The following BDKRB2 variants were observed in gnomAD, a reference collection of about 807,000 sequenced individuals.
The protein encoded by BDKRB2 is B2 bradykinin receptor.
A neutral mutation model predicts 4.0 loss-of-function variants in BDKRB2; 6 were observed. The observed-to-expected ratio is 1.49, with a 90% CI of 0.81 to 2.93. The LOEUF is 2.93. Ranked by LOEUF, BDKRB2 falls within the 30% of genes most tolerant of loss-of-function variation. BDKRB2 has a pLI of 0.00. For missense variants in BDKRB2, 478 were observed against 520.1 expected, an observed-to-expected ratio of 0.92 and a Z score of 0.79; for synonymous variants, 225 against 215.3, an observed-to-expected ratio of 1.05 and a Z score of -0.40.
intron 1 of BDKRB2, among the ~76,000 whole-genome samples, chr14:96,220,831 G>T (rs1485712497): frequency 6.6e-6 from 1 of 151,934 alleles, no homozygotes; most frequent in Non-Finnish European, 1.5e-5. Flanking sequence ...TATATGAGAG[G>T]GATGCAACTG....
chr14:96,223,057 G>T, intron 1 of BDKRB2: 1 of 779,508 alleles, frequency 1.3e-6, no homozygotes, highest in Admixed American at 2.0e-5. Flanking sequence ...GCTGTTGGGA[G>T]TTGCTTGGAG....
chr14:96,213,818 T>C (rs1258991102), intron 1 of BDKRB2, among the ~76,000 whole-genome samples: 2 of 151,970 alleles, frequency 1.3e-5, no homozygotes, highest in African/African-American at 4.8e-5. Flanking sequence ...GCATTGTGTC[T>C]CCACTTGACA....
rs941973156 is a variant in BDKRB2, at chr14:96,239,791, T to C, written c.75-612T>C. 3.0e-6 allele frequency: 3 copies of C among 985,182 alleles called. No homozygotes were observed. In the African/African-American group the frequency reaches 5.2e-5, roughly 17 times the overall value. The allele number at this position is 985,182 out of a possible 1,614,324, so 61.0% of individuals were successfully genotyped here. On this transcript the variant is annotated intron_variant, in intron 2 of 2. Coordinates refer to ENST00000554311, the MANE Select transcript of BDKRB2 (RefSeq NM_001379692.1). The stretch of plus-strand genomic sequence containing the variant: ...AGGATGTGAACCCAGTAGGACTATC[T>C]GGCTGCAAAGTCCCCACCCTCCCTC...
At chr14:96,214,307 C>G (rs963764519) in intron 1 of BDKRB2, among the ~76,000 whole-genome samples, 1 of 152,156 alleles carries the variant, frequency 6.6e-6, no homozygotes, top group African/African-American at 2.4e-5. Context: ...CACCCAGGCC[C>G]ATCACTTGAC....
intron 1 of BDKRB2, among the ~76,000 whole-genome samples, chr14:96,227,994 G>C (rs1180288149): frequency 6.6e-6 from 1 of 152,170 alleles, no homozygotes; most frequent in African/African-American, 2.4e-5. Flanking sequence ...CCCTGCACAG[G>C]GCTTGTTCCC....
chr14:96,238,253 G>C (rs1267941341), intron 2 of BDKRB2: 5 of 443,104 alleles, frequency 1.1e-5, no homozygotes, highest in African/African-American at 8.5e-5. Flanking sequence ...GTGGCTGCTT[G>C]AGTATCCTCA....
In BDKRB2 at chr14:96,241,236, G is replaced by A. The variant is rs1885281513; in HGVS notation, c.908G>A (p.Ser303Asn). 1 of 1,612,590 alleles carries A rather than the reference G, an allele frequency of 6.2e-7. No individual in the cohort carries two copies. The highest frequency in any genetic ancestry group is 1.3e-5 in the African/African-American group (1 of 74,932). ...CTGCATCGCCTCGGCATCCTCTCCA[G>A]CTGCCAGGACGAGCGCATCATCGAT... ...DTLHRLGILS[S>N]CQDERIIDVI... is the part of the protein sequence containing the mutation. The change falls in exon 3 of 3, where the codon AGC (serine) becomes AAC (asparagine). Residue 303 changes from serine to asparagine, a missense_variant. By Grantham distance (46) the Ser-to-Asn change is conservative. Coordinates refer to ENST00000554311, the MANE Select transcript of BDKRB2 (RefSeq NM_001379692.1).
intron 1 of BDKRB2, among the ~76,000 whole-genome samples, chr14:96,214,142 C>G (rs933623696): frequency 2.6e-5 from 4 of 152,190 alleles, no homozygotes; most frequent in Non-Finnish European, 2.9e-5. Context: ...CCCTGCATGT[C>G]CCCTCACTCC....
At chr14:96,222,855 A>G (rs569262207) in intron 1 of BDKRB2, among the ~76,000 whole-genome samples, 3 of 152,252 alleles carry the variant, frequency 2.0e-5, no homozygotes, top group South Asian at 2.1e-4. Flanking sequence ...TATCTCATAT[A>G]TAACCAAAAT....
intron 1 of BDKRB2, among the ~76,000 whole-genome samples, chr14:96,231,456 T>A (rs919761751): frequency 2.2e-4 from 34 of 152,136 alleles, no homozygotes; most frequent in African/African-American, 8.2e-4. Flanking sequence ...GCAGCTCTGG[T>A]TGTTGAGGCT....
chr14:96,237,303 C>A, intron 2 of BDKRB2, 122 bp downstream of exon 2: 1 of 933,132 alleles, frequency 1.1e-6, no homozygotes. Context: ...TGATGTTAAG[C>A]CCAAAGACAA....
At position 96,217,826 on chromosome 14, in the gene BDKRB2, C is replaced by T. The variant is rs762972463; in HGVS notation, c.-40+12867C>T. On this transcript the variant is annotated intron_variant, in intron 1 of 2. Transcript: ENST00000554311. Reference sequence around the variant, plus strand: ...TGCTGGATGACCAAAAATCAGGCAGCGATCCCTAAGTCCCTTCTGAGCCCC... The same window carrying T: ...TGCTGGATGACCAAAAATCAGGCAGTGATCCCTAAGTCCCTTCTGAGCCCC... Among the ~76,000 whole-genome samples the T allele has an allele frequency of 3.4e-4, 51 of 151,250 alleles. 1 individual carries two copies. The highest frequency in any genetic ancestry group is 5.7e-4 in the Non-Finnish European group (39 of 68,018).
intron 1 of BDKRB2, among the ~76,000 whole-genome samples, chr14:96,236,857 C>T (rs934654902): frequency 6.6e-6 from 1 of 152,204 alleles, no homozygotes; most frequent in Non-Finnish European, 1.5e-5. Context: ...GGTCAGTTTG[C>T]AGTTATTAAG....
chr14:96,226,891 A>G (rs921196352), intron 1 of BDKRB2, among the ~76,000 whole-genome samples: 3 of 152,290 alleles, frequency 2.0e-5, no homozygotes, highest in Non-Finnish European at 4.4e-5. Flanking sequence ...AGATGGAGGG[A>G]GGAATATGTC....
chr14:96,229,500 A>C (rs1220003193), intron 1 of BDKRB2, among the ~76,000 whole-genome samples: 2 of 152,136 alleles, frequency 1.3e-5, no homozygotes, highest in South Asian at 4.1e-4. Context: ...ACTCAGGCCC[A>C]TGCAGGGAGT....
intron 1 of BDKRB2, among the ~76,000 whole-genome samples, chr14:96,218,338 A>C (rs1367856006): frequency 6.6e-6 from 1 of 152,162 alleles, no homozygotes; most frequent in East Asian, 1.9e-4. Flanking sequence ...TGGTTTACAA[A>C]GCGCTTTTGC....
chr14:96,221,073 C>A (rs1161385463), intron 1 of BDKRB2, among the ~76,000 whole-genome samples: 2 of 151,472 alleles, frequency 1.3e-5, no homozygotes, highest in Non-Finnish European at 2.9e-5. Context: ...TGACTCTGGA[C>A]AAGCCACCTC....
At chr14:96,206,929 G>A (rs913723234) in intron 1 of BDKRB2, among the ~76,000 whole-genome samples, 5 of 152,264 alleles carry the variant, frequency 3.3e-5, no homozygotes, top group African/African-American at 1.2e-4. Context: ...GGACCTAGTC[G>A]TCATAGATGG....
chr14:96,238,116 C>T, intron 2 of BDKRB2: 2 of 998,732 alleles, frequency 2.0e-6, no homozygotes, highest in South Asian at 4.1e-5. Flanking sequence ...GTAGAGACAG[C>T]TTATCTCTGT....
Sources: allele counts gnomAD v4.1 joint callset (sites outside exome capture counted in the v4.1 genomes callset), GRCh38; gene constraint gnomAD v4.1.1; transcripts MANE v1.5; gene names NCBI Gene and HGNC (gene_info 2026-07-23, HGNC 2026-07-21).